RORA: variants seen among roughly 807,000 people sequenced by gnomAD.
RORA encodes the protein nuclear receptor ROR-alpha.
RORA carries 7 observed loss-of-function variants against 69.5 expected under a neutral mutation model. The observed-to-expected ratio is 0.10, with a 90% CI of 0.06 to 0.19. The LOEUF is 0.19. RORA is among the 10% of genes least tolerant of loss of function. The pLI is 1.00. For synonymous variants in RORA, 261 were observed against 240.8 expected, an observed-to-expected ratio of 1.08 and a Z score of -0.78; for missense variants, 457 against 663.0, an observed-to-expected ratio of 0.69 and a Z score of 3.41.
intron 1 of RORA, among the ~76,000 whole-genome samples, chr15:60,826,781 CTCTCTCTCTTTTTTT>C (rs760972245): frequency 5.3e-4 from 56 of 105,722 alleles, no homozygotes; most frequent in Non-Finnish European, 9.2e-4. Flanking sequence ...CTCTCTCTCT[CTCTCTCTCTTTTTTT>C]TTTAAAGACA....
chr15:61,033,419 C>CAAAACAAAAA (rs1555403814), intron 1 of RORA, among the ~76,000 whole-genome samples: 106,315 of 150,548 alleles, frequency 0.71, 40,106 homozygotes, highest in Non-Finnish European at 0.86. Context: ...AAAAAAAAAA[C>CAAAACAAAAA]AAAAACCAGT....
chr15:60,550,423 C>T (rs2067198662), intron 2 of RORA, among the ~76,000 whole-genome samples: 1 of 152,146 alleles, frequency 6.6e-6, no homozygotes. Context: ...TATTTAAAGC[C>T]ATAGAATTTA....
At chr15:60,609,765 A>G (rs2069040832) in intron 2 of RORA, among the ~76,000 whole-genome samples, 1 of 152,236 alleles carries the variant, frequency 6.6e-6, no homozygotes, top group African/African-American at 2.4e-5. Flanking sequence ...GATGAAAAGC[A>G]CAAATCATGG....
intron 1 of RORA, among the ~76,000 whole-genome samples, chr15:61,039,798 T>G (rs1896649940): frequency 6.7e-6 from 1 of 149,014 alleles, no homozygotes; most frequent in South Asian, 2.1e-4. Flanking sequence ...CAAACTTCAA[T>G]GTGCATGGGA....
At chr15:61,227,888 A>T (rs1056143592) in intron 1 of RORA, among the ~76,000 whole-genome samples, 2 of 152,172 alleles carry the variant, frequency 1.3e-5, no homozygotes, top group African/African-American at 4.8e-5. Flanking sequence ...TGTTCTTTGC[A>T]AACTCCAGGC....
chr15:61,215,031 ATTTTTTTTTTTT>A lies in RORA; in HGVS notation c.166+14010_166+14021del, dbSNP rs61132940. On this transcript the variant is annotated intron_variant, in intron 1 of 10. Coordinates refer to ENST00000335670, the MANE Select transcript of RORA (RefSeq NM_134261.3). ...AGGCGCCCGCCACCACGCCCAGCTA[ATTTTTTTTTTTT>A]TTTTTTTTTTTTTGTATTTTAGGTA... Among the ~76,000 whole-genome samples the A allele has an allele frequency of 1.6e-4, 13 of 80,634 alleles. No homozygotes were observed. In the East Asian group the frequency reaches 3.4e-3, roughly 21 times the overall value. 52.9% of individuals were successfully genotyped at this position (80,634 alleles called of 152,430 possible).
chr15:61,222,042 A>G (rs1304530291), intron 1 of RORA, among the ~76,000 whole-genome samples: 1 of 152,148 alleles, frequency 6.6e-6, no homozygotes, highest in African/African-American at 2.4e-5. Flanking sequence ...AGGCTAGGAG[A>G]TTATAAATCC....
At chr15:60,812,997 CCT>C (rs752783745) in intron 1 of RORA, among the ~76,000 whole-genome samples, 3 of 152,196 alleles carry the variant, frequency 2.0e-5, no homozygotes, top group Non-Finnish European at 4.4e-5. Context: ...CAAATCTCTA[CCT>C]CTCAGTAGCT....
intron 1 of RORA, among the ~76,000 whole-genome samples, chr15:60,709,518 C>T (rs182655056): frequency 8.5e-5 from 13 of 152,156 alleles, no homozygotes; most frequent in Admixed American, 7.2e-4. Context: ...CGAGGGTGAA[C>T]CAGCATTTCC....
intron 1 of RORA, among the ~76,000 whole-genome samples, chr15:61,000,499 C>T (rs556219524): frequency 1.3e-5 from 2 of 152,200 alleles, no homozygotes; most frequent in South Asian, 4.2e-4. Context: ...GCAAGGAGAT[C>T]CTTGTCCAGG....
intron 1 of RORA, among the ~76,000 whole-genome samples, chr15:61,167,482 ATTTTTTTTTTTTTTTTTTTTTT>A (rs199752865): frequency 6.7e-5 from 9 of 133,650 alleles, no homozygotes; most frequent in Non-Finnish European, 9.3e-5. Context: ...TTTGACCAGG[ATTTTTTTTTTTTTTTTTTTTTT>A]TTTTTTTTTT....
At chr15:60,665,087 G>A (rs1272975997) in intron 2 of RORA, among the ~76,000 whole-genome samples, 3 of 152,210 alleles carry the variant, frequency 2.0e-5, no homozygotes, top group East Asian at 1.9e-4. Context: ...AGCAAGTCAC[G>A]TGTTCTGACC....
At chr15:60,853,843 C>A (rs965354742) in intron 1 of RORA, among the ~76,000 whole-genome samples, 6 of 152,214 alleles carry the variant, frequency 3.9e-5, no homozygotes, top group African/African-American at 1.4e-4. Context: ...ATTATAAAAT[C>A]TTTTACCATC....
At chr15:61,037,611 C>T (rs1566956340) in intron 1 of RORA, among the ~76,000 whole-genome samples, 1 of 152,176 alleles carries the variant, frequency 6.6e-6, no homozygotes, top group Non-Finnish European at 1.5e-5. Flanking sequence ...CCTTGGAATG[C>T]AGATCCAGTT....
chr15:60,683,426 A>G (rs905873275), intron 1 of RORA, among the ~76,000 whole-genome samples: 2 of 152,084 alleles, frequency 1.3e-5, no homozygotes, highest in Non-Finnish European at 2.9e-5. Context: ...TCTATTTCTC[A>G]CTGTAAGAAA....
At chr15:60,738,777 G>T (rs893912485) in intron 1 of RORA, among the ~76,000 whole-genome samples, 7 of 152,236 alleles carry the variant, frequency 4.6e-5, no homozygotes, top group Middle Eastern at 3.2e-3. Flanking sequence ...TTGTCTTACA[G>T]ATCTGGAGGC....
intron 1 of RORA, among the ~76,000 whole-genome samples, chr15:61,190,382 G>A (rs1462021074): frequency 1.3e-5 from 2 of 152,204 alleles, no homozygotes; most frequent in Non-Finnish European, 2.9e-5. Context: ...AGTGATATAT[G>A]TCCTGCATAA....
At chr15:61,006,116 G>A (rs1894907369) in intron 1 of RORA, among the ~76,000 whole-genome samples, 2 of 151,920 alleles carry the variant, frequency 1.3e-5, no homozygotes, top group South Asian at 4.2e-4. Flanking sequence ...TTACAGGCAG[G>A]CGCCACCATG....
chr15:61,002,968 A>G (rs1299193612), intron 1 of RORA, among the ~76,000 whole-genome samples: 3 of 111,146 alleles, frequency 2.7e-5, no homozygotes, highest in Non-Finnish European at 5.5e-5. Flanking sequence ...CGTCTCTACT[A>G]AAAATACAAA....
Sources: allele counts gnomAD v4.1 joint callset (sites outside exome capture counted in the v4.1 genomes callset), GRCh38; gene constraint gnomAD v4.1.1; transcripts MANE v1.5; gene names NCBI Gene and HGNC (gene_info 2026-07-23, HGNC 2026-07-21).